CYP4Z1: variants seen among roughly 807,000 people sequenced by gnomAD.
CYP4Z1 encodes cytochrome P450 family 4 subfamily Z member 1, also known as cytochrome P450 4Z1.
Under a neutral mutation model 54.2 loss-of-function variants are expected in CYP4Z1, and 41 were observed. The observed-to-expected ratio is 0.76, with a 90% CI of 0.59 to 0.98. CYP4Z1 has a LOEUF of 0.98. Among genes scored for constraint, CYP4Z1 ranks in the 50% least tolerant of loss-of-function variants. The probability of loss-of-function intolerance (pLI) is 0.00; values close to 1 mark genes in which losing one functional copy is unlikely to be tolerated. For missense variants in CYP4Z1, 513 were observed against 599.0 expected, an observed-to-expected ratio of 0.86 and a Z score of 1.50; for synonymous variants, 163 against 206.2, an observed-to-expected ratio of 0.79 and a Z score of 1.79.
At chr1:47,058,057 A>T in the CYP4Z1 span, among the ~76,000 whole-genome samples, 5 of 152,118 alleles carry the variant, frequency 3.3e-5, no homozygotes, top group Non-Finnish European at 5.9e-5. Context: ...TTATCAAAAA[A>T]AACTTTACTT....
Position 47,067,450 on chromosome 1 carries a change from A to G in CYP4Z1, c.-41A>G, listed in dbSNP as rs1166047093. 14 of 1,529,398 alleles carry G rather than the reference A, an allele frequency of 9.2e-6. No individual in the cohort carries two copies. Among genetic ancestry groups the G allele is most frequent in the Non-Finnish European group, 1.1e-5 (13 of 1,133,322 alleles). 94.7% of individuals were successfully genotyped at this position (1,529,398 alleles called of 1,614,324 possible). On this transcript the variant is annotated 5_prime_UTR_variant, in exon 1 of 12. Transcript: ENST00000334194. ...GAGAGACCTGCATTCTCCCTGGCTC[A>G]GTTCTCTCAGGCTCTCCAGAGCTCA...
chr1:47,068,072 G>A (rs551413183), intron 1 of CYP4Z1, among the ~76,000 whole-genome samples: 2 of 152,208 alleles, frequency 1.3e-5, no homozygotes, highest in East Asian at 1.9e-4. Context: ...AAAACATTTA[G>A]CAAATTAGAA....
intron 1 of CYP4Z1, 110 bp downstream of exon 1, chr1:47,067,777 C>CAA (rs1430093732): frequency 1.6e-5 from 16 of 991,018 alleles, no homozygotes; most frequent in Non-Finnish European, 2.1e-5. Context: ...GCTTTCACAC[C>CAA]AATCTCATTG....
intron 6 of CYP4Z1, among the ~76,000 whole-genome samples, chr1:47,094,352 T>G (rs1046693375): frequency 6.6e-6 from 1 of 152,146 alleles, no homozygotes; most frequent in Non-Finnish European, 1.5e-5. Flanking sequence ...TTAAACATCC[T>G]TATTTGAAGG....
the CYP4Z1 span, among the ~76,000 whole-genome samples, chr1:47,057,335 A>AAAAAAAAAAATATATATAT: frequency 3.2e-4 from 9 of 28,480 alleles, no homozygotes; most frequent in East Asian, 9.7e-4. Context: ...AAGAAAAAAA[A>AAAAAAAAAAATATATATAT]ATATATATAT....
upstream of CYP4Z1, among the ~76,000 whole-genome samples, chr1:47,064,520 C>T (rs1312236963): frequency 6.6e-6 from 1 of 152,048 alleles, no homozygotes; most frequent in Non-Finnish European, 1.5e-5. Flanking sequence ...TACTACCAAG[C>T]CAGCACTAAA....
At chr1:47,116,115 C>T (rs976574389) in intron 10 of CYP4Z1, among the ~76,000 whole-genome samples, 4 of 152,134 alleles carry the variant, frequency 2.6e-5, no homozygotes, top group Non-Finnish European at 5.9e-5. Context: ...CAAACCAGCG[C>T]TCAGACCAAC....
At chr1:47,063,859 T>G (rs1644436077), upstream of CYP4Z1, among the ~76,000 whole-genome samples, 3 of 152,026 alleles carry the variant, frequency 2.0e-5, no homozygotes, top group South Asian at 6.2e-4. Flanking sequence ...TTGCTGGAGA[T>G]CTAGACATCC....
chr1:47,104,823 C>G (rs1333968717), intron 8 of CYP4Z1, among the ~76,000 whole-genome samples: 3 of 152,116 alleles, frequency 2.0e-5, no homozygotes, highest in South Asian at 2.1e-4. Context: ...TAGGCAGGGA[C>G]AGGGTGATCC....
At chr1:47,083,469 T>C (rs1340906063) in intron 4 of CYP4Z1, among the ~76,000 whole-genome samples, 2 of 152,214 alleles carry the variant, frequency 1.3e-5, no homozygotes, top group Non-Finnish European at 2.9e-5. Context: ...CTAGTAAGGA[T>C]ATTGAGATGC....
chr1:47,093,758 G>C (rs186215099), intron 6 of CYP4Z1, among the ~76,000 whole-genome samples: 3 of 152,300 alleles, frequency 2.0e-5, no homozygotes, highest in Non-Finnish European at 4.4e-5. Context: ...GAACTTTCCT[G>C]TTCACAGAAG....
chr1:47,068,707 C>T lies in CYP4Z1; in HGVS notation c.263C>T (p.Thr88Met), dbSNP rs776044257. Residue 88 changes from threonine to methionine, a missense_variant, in exon 2 of 12, where the codon ACG becomes ATG. Transcript: ENST00000334194. The part of the protein sequence containing the change: ...CAVPLWVGPF[T>M]MFFSVHDPDY... ...GTTCCCTTGTGGGTTGGACCCTTTA[C>T]GATGTTCTTCAGTGTCCATGACCCA... 2.5e-5 allele frequency: 40 copies of T among 1,613,984 alleles called. No individual in the cohort carries two copies. The highest frequency in any genetic ancestry group is 2.6e-5 in the Non-Finnish European group (31 of 1,180,018).
intron 9 of CYP4Z1, among the ~76,000 whole-genome samples, chr1:47,110,170 G>T (rs1286217118): frequency 1.5e-5 from 2 of 130,294 alleles, no homozygotes; most frequent in Admixed American, 7.7e-5. Flanking sequence ...CAATGGCCTA[G>T]TATGTGCCAT....
At chr1:47,058,701 C>CAAT in the CYP4Z1 span, among the ~76,000 whole-genome samples, 1 of 151,996 alleles carries the variant, frequency 6.6e-6, no homozygotes, top group African/African-American at 2.4e-5. Flanking sequence ...TGACTACTAC[C>CAAT]AATATTTTTG....
intron 7 of CYP4Z1, among the ~76,000 whole-genome samples, chr1:47,097,742 TTTGGTTTG>T (rs1192582388): frequency 2.6e-5 from 4 of 151,772 alleles, no homozygotes; most frequent in South Asian, 2.1e-4. Context: ...GGCCTCCAGC[TTTGGTTTG>T]TTTGTTTGTT....
chr1:47,072,980 A>G (rs1244199448), intron 2 of CYP4Z1, among the ~76,000 whole-genome samples: 3 of 151,726 alleles, frequency 2.0e-5, no homozygotes, highest in Admixed American at 6.6e-5. Flanking sequence ...TAAAGATCCA[A>G]TTCAGGGACA....
At chr1:47,066,929 C>T (rs947692386), upstream of CYP4Z1, among the ~76,000 whole-genome samples, 3 of 150,648 alleles carry the variant, frequency 2.0e-5, no homozygotes, top group Middle Eastern at 3.4e-3. Flanking sequence ...TTTTGGGTGA[C>T]GATAATGTGT....
the CYP4Z1 span, among the ~76,000 whole-genome samples, chr1:47,058,410 G>A: frequency 1.3e-5 from 2 of 152,018 alleles, no homozygotes; most frequent in Non-Finnish European, 2.9e-5. Flanking sequence ...GCTGAGTGTT[G>A]CACTTAGGAC....
intron 6 of CYP4Z1, among the ~76,000 whole-genome samples, chr1:47,088,378 T>C (rs1644613258): frequency 6.6e-6 from 1 of 152,184 alleles, no homozygotes; most frequent in Non-Finnish European, 1.5e-5. Context: ...TCAGAGCCTG[T>C]TATTGGTCTA....
Sources: allele counts gnomAD v4.1 joint callset (sites outside exome capture counted in the v4.1 genomes callset), GRCh38; gene constraint gnomAD v4.1.1; transcripts MANE v1.5; gene names NCBI Gene and HGNC (gene_info 2026-07-23, HGNC 2026-07-21).